DRAP1: variants seen among roughly 807,000 people sequenced by gnomAD.
The protein encoded by DRAP1 is DR1 associated protein 1, also known as dr1-associated corepressor.
DRAP1 carries 10 observed loss-of-function variants against 24.1 expected under a neutral mutation model. The ratio of observed to expected loss-of-function variants is 0.41; its 90% CI spans 0.26 to 0.70. The LOEUF is 0.70. Among genes scored for constraint, DRAP1 ranks in the 30% least tolerant of loss-of-function variants. The pLI is 0.29. For synonymous variants in DRAP1, 122 were observed against 113.8 expected (o/e 1.07, Z -0.46); for missense variants, 264 against 275.6 (o/e 0.96, Z 0.30).
At chr11:65,920,276 T>A in intron 3 of DRAP1, 67 bp from the exon 4 acceptor site, 1 of 1,604,362 alleles carries the variant, frequency 6.2e-7, no homozygotes, top group South Asian at 1.1e-5. Context: ...GGCCCCTTGC[T>A]GCCACCCACT....
At chr11:65,921,022 A>C (rs768415811) in intron 6 of DRAP1, 50 bp downstream of exon 6, 1 of 1,415,990 alleles carries the variant, frequency 7.1e-7, no homozygotes, top group Non-Finnish European at 9.6e-7. Context: ...CCCAGAGCCA[A>C]CTTACCCCTC....
rs771475588 is a variant in DRAP1 at position 65,921,357 on chromosome 11, C to T, written c.540C>T (p.Ala180=). ...CCCCGACACCCTTCCTGCCCTTCGC[C>T]TCTACTCTGCCTTTGCCCCCAGCGC... ...QSPPTPFLPF[A]STLPLPPAPP... is the part of the protein sequence containing the mutation. The change falls in exon 7 of 7, where the codon GCC becomes GCT. Residue 180 remains alanine (A), a synonymous_variant. Transcript: ENST00000312515. 7 of 1,610,302 alleles carry T rather than the reference C, an allele frequency of 4.3e-6. No individual in the cohort carries two copies. Among genetic ancestry groups the T allele is most frequent in the African/African-American group, 2.7e-5 (2 of 74,820 alleles).
At chr11:65,920,117 G>A in intron 3 of DRAP1, 76 bp downstream of exon 3, 1 of 1,552,488 alleles carries the variant, frequency 6.4e-7, no homozygotes, top group South Asian at 1.2e-5. Context: ...CAGAGCCTGG[G>A]TGGCGAGGGA....
Position 65,919,529 on chromosome 11 carries a change from G to A in DRAP1, c.28G>A (p.Ala10Thr). The change falls in exon 1 of 7, where the codon GCG becomes ACG. Residue 10 changes from alanine (A) to threonine (T), a missense_variant. This residue lies in a region of DRAP1 where 21 missense variants were observed against 42.0 expected (regional missense o/e 0.50). Transcript: ENST00000312515. MPSKKKKYN[A>T]RFPPARIKKI... ...GCCGAGCAAGAAGAAGAAGTACAACGCGCGGTTCCCGCCGGTGAGCACGTG... is the reference window on the plus strand; with the variant it reads ...GCCGAGCAAGAAGAAGAAGTACAACACGCGGTTCCCGCCGGTGAGCACGTG... 3 of 1,546,470 alleles carry A rather than the reference G, an allele frequency of 1.9e-6. No homozygotes were observed. The highest frequency in any genetic ancestry group is 2.6e-6 in the Non-Finnish European group (3 of 1,145,358).
At chr11:65,920,256 T>C in intron 3 of DRAP1, 87 bp from the exon 4 acceptor site, 1 of 1,586,302 alleles carries the variant, frequency 6.3e-7, no homozygotes, top group South Asian at 1.1e-5. Context: ...GGCTCCAGCC[T>C]GACATCTGGG....
At chr11:65,921,076 G>T in intron 6 of DRAP1, 104 bp downstream of exon 6, 1 of 900,290 alleles carries the variant, frequency 1.1e-6, no homozygotes, top group Non-Finnish European at 1.7e-6. Context: ...TGGCAGATTT[G>T]TGGGGTGGAA....
intron 3 of DRAP1, 36 bp from the exon 4 acceptor site, chr11:65,920,307 C>T (rs779398069): frequency 2.5e-6 from 4 of 1,612,860 alleles, no homozygotes; most frequent in African/African-American, 1.3e-5. Context: ...GTGTCTGGGC[C>T]CCTCTTGAGT....
chr11:65,921,315 C>T lies in DRAP1; in HGVS notation c.513-15C>T, dbSNP rs1854547407. 8 of 1,541,212 alleles carry T rather than the reference C, an allele frequency of 5.2e-6. No homozygotes were observed. Among genetic ancestry groups the T allele is most frequent in the Non-Finnish European group, 7.2e-6 (8 of 1,116,142 alleles). On this transcript the variant is annotated splice_polypyrimidine_tract_variant and intron_variant, in intron 6 of 6. Coordinates refer to ENST00000312515, the MANE Select transcript of DRAP1 (RefSeq NM_006442.4). Reference sequence around the variant, plus strand: ...GGGGCTCAGGCCTGACTCTCTCCTGCCTTCTGCCCTGCAGCCCCCCGACAC... The same window carrying T: ...GGGGCTCAGGCCTGACTCTCTCCTGTCTTCTGCCCTGCAGCCCCCCGACAC...
chr11:65,919,915 T>C (rs1565298011), intron 2 of DRAP1, 33 bp from the exon 3 acceptor site: 15 of 1,613,498 alleles, frequency 9.3e-6, no homozygotes, highest in Middle Eastern at 1.6e-4. Context: ...GGTCGCCCTC[T>C]CCTGCCCCGG....
In DRAP1 at chr11:65,921,437, G is replaced by A. The variant is rs777205695; in HGVS notation, c.*2G>A. On this transcript the variant is annotated 3_prime_UTR_variant, in exon 7 of 7. Coordinates refer to ENST00000312515, the MANE Select transcript of DRAP1 (RefSeq NM_006442.4). ...GACGAAGAAGATTACGACTCCTAGC[G>A]CCTTCTGCCCCCCAGACCATAGCCC... The A allele has an allele frequency of 2.9e-5, 46 of 1,575,564 alleles. 1 individual carries two copies. Among genetic ancestry groups the A allele is most frequent in the South Asian group, 6.7e-5 (6 of 90,168 alleles).
rs756294976 is a variant in DRAP1, at chr11:65,920,869, C to T, written c.424-15C>T. ...TGTCTTTTCTTGTCAACTCTGACCTCTGCGGTGCTCACAGGATGAATCTGA... is the reference window on the plus strand; with the variant it reads ...TGTCTTTTCTTGTCAACTCTGACCTTTGCGGTGCTCACAGGATGAATCTGA... On this transcript the variant is annotated splice_polypyrimidine_tract_variant and intron_variant, in intron 5 of 6. Transcript: ENST00000312515. 1 of 1,608,434 alleles carries T rather than the reference C, an allele frequency of 6.2e-7. No homozygotes were observed. The highest frequency in any genetic ancestry group is 2.2e-5 in the East Asian group (1 of 44,840).
chr11:65,919,506 C>T lies in DRAP1; in HGVS notation c.5C>T (p.Pro2Leu), dbSNP rs1230599132. The T allele has an allele frequency of 6.5e-7, 1 of 1,543,140 alleles. No individual in the cohort carries two copies. Among genetic ancestry groups the T allele is most frequent in the Non-Finnish European group, 8.7e-7 (1 of 1,144,196 alleles). ...CGCGGCGAGAGAGGCCCCGAGATGC[C>T]GAGCAAGAAGAAGAAGTACAACGCG... M[P>L]SKKKKYNARF... Residue 2 changes from proline to leucine, a missense_variant, in exon 1 of 7, where the codon CCG becomes CTG. Coordinates refer to ENST00000312515, the MANE Select transcript of DRAP1 (RefSeq NM_006442.4).
At chr11:65,919,637 G>C (rs1854521856) in intron 1 of DRAP1, 94 bp downstream of exon 1, 2 of 1,533,932 alleles carry the variant, frequency 1.3e-6, no homozygotes, top group Admixed American at 2.0e-5. Context: ...CGCGGTGTTC[G>C]GGGGCCTGGA....
intron 1 of DRAP1, 113 bp downstream of exon 1, chr11:65,919,656 CCCCTCCATG>C: frequency 6.6e-7 from 1 of 1,513,614 alleles, no homozygotes; most frequent in Non-Finnish European, 8.9e-7. Flanking sequence ...GACGCCCCGC[CCCCTCCATG>C]CCCTCCCCGC....
rs1565297732 is a variant in DRAP1 at position 65,919,443 on chromosome 11, G to A, written c.-59G>A. 4.0e-6 allele frequency: 6 copies of A among 1,505,532 alleles called. No individual in the cohort carries two copies. Among genetic ancestry groups the A allele is most frequent in the African/African-American group, 1.5e-5 (1 of 68,430 alleles). The allele number at this position is 1,505,532 out of a possible 1,614,324, so 93.3% of individuals were successfully genotyped here. On this transcript the variant is annotated 5_prime_UTR_variant, in exon 1 of 7. Transcript: ENST00000312515. ...CGACGGGCGGGCGGCGAGCAGGCCC[G>A]GGAGCCGGGAGGCTGCGGGCGGCGG...
Position 65,921,144 on chromosome 11 carries a change from C to T in DRAP1, c.512+172C>T, listed in dbSNP as rs552937234. 4.7e-5 allele frequency: 32 copies of T among 678,972 alleles called. No homozygotes were observed. The East Asian group carries it at 9.2e-4, about 20-fold the overall frequency. The allele number at this position is 678,972 out of a possible 1,614,324, so 42.1% of individuals were successfully genotyped here. ...GACTGTTCTCCCGAAAGATCCTGCT[C>T]CACCCTGCCAGGGCCCGTGGGTGGG... On this transcript the variant is annotated intron_variant, in intron 6 of 6. Coordinates refer to ENST00000312515, the MANE Select transcript of DRAP1 (RefSeq NM_006442.4).
chr11:65,920,376 C>G lies in DRAP1; in HGVS notation c.243C>G (p.Asp81Glu). 1 of 1,614,126 alleles carries G rather than the reference C, an allele frequency of 6.2e-7. No homozygotes were observed. Among genetic ancestry groups the G allele is most frequent in the Non-Finnish European group, 8.5e-7 (1 of 1,180,022 alleles). ...KQCIELEQQF[D>E]FLKDLVASVP... is the part of the protein sequence containing the mutation. ...GCATCGAGCTGGAGCAGCAGTTTGA[C>G]TTCTTGAAGGACCTGGTGGCATCTG... The change falls in exon 4 of 7, where the codon GAC becomes GAG. Residue 81 changes from aspartate to glutamate, a missense_variant. By Grantham distance (45) the Asp-to-Glu change is conservative. This residue lies in a region of DRAP1 where 243 missense variants were observed against 233.6 expected (regional missense o/e 1.04). Transcript: ENST00000312515.
chr11:65,921,552 G>A lies in DRAP1; in HGVS notation c.*117G>A. The A allele has an allele frequency of 1.9e-6, 1 of 537,888 alleles. No homozygotes were observed. The highest frequency in any genetic ancestry group is 3.3e-6 in the Non-Finnish European group (1 of 299,624). The allele number at this position is 537,888 out of a possible 1,614,324, so 33.3% of individuals were successfully genotyped here. A position where few individuals can be genotyped will look rare whatever the true frequency, so the allele number is the denominator to read the frequency against. On this transcript the variant is annotated 3_prime_UTR_variant, in exon 7 of 7. Transcript: ENST00000312515. ...AAAAAAAAAATAAAAGGGAATCTCAGTGTCTGTTCCAGGCTCTGCGCAGGA... is the reference window on the plus strand; with the variant it reads ...AAAAAAAAAATAAAAGGGAATCTCAATGTCTGTTCCAGGCTCTGCGCAGGA...
intron 3 of DRAP1, 45 bp from the exon 4 acceptor site, chr11:65,920,298 T>C (rs749795547): frequency 6.2e-6 from 10 of 1,611,412 alleles, no homozygotes; most frequent in Non-Finnish European, 8.5e-6. Context: ...CGGGTTTGGG[T>C]GTCTGGGCCC....
Sources: gnomAD v4.1 joint callset for allele counts on GRCh38, gnomAD v4.1.1 for gene constraint, gnomAD v4.1.1 regional missense constraint, MANE v1.5 for transcripts, NCBI Gene and HGNC (gene_info 2026-07-23, HGNC 2026-07-21) for gene names.